C7orf33: variants seen among roughly 807,000 people sequenced by gnomAD.
The protein encoded by C7orf33 is uncharacterized protein C7orf33.
In C7orf33, 15 loss-of-function variants were observed where a neutral mutation model predicts 13.4. The ratio of observed to expected loss-of-function variants is 1.12; its 90% confidence interval spans 0.75 to 1.72. C7orf33 has a LOEUF of 1.72. Ranked by LOEUF, C7orf33 falls within the 40% of genes most tolerant of loss-of-function variation. C7orf33 has a pLI of 0.00. For missense variants in C7orf33, 187 were observed against 220.3 expected, an observed-to-expected ratio of 0.85 and a Z score of 0.96; for synonymous variants, 73 against 83.2, an observed-to-expected ratio of 0.88 and a Z score of 0.67.
chr7:148,602,379 T>C (rs1388094179), intron 1 of C7orf33, among the ~76,000 whole-genome samples: 1 of 152,068 alleles, frequency 6.6e-6, no homozygotes, highest in Non-Finnish European at 1.5e-5. Flanking sequence ...GGTGGATCAC[T>C]TGATGTCCGG....
intron 1 of C7orf33, among the ~76,000 whole-genome samples, chr7:148,595,620 A>G (rs1464397332): frequency 7.8e-6 from 1 of 128,124 alleles, no homozygotes; most frequent in East Asian, 2.1e-4. Flanking sequence ...TATATATTAT[A>G]TATAATATAC....
In C7orf33 at chr7:148,605,934, T is replaced by C. The variant is rs369518715; in HGVS notation, c.205-8108T>C. Among the ~76,000 whole-genome samples, 63 of 152,344 alleles carry C rather than the reference T, an allele frequency of 4.1e-4. 2 individuals carry two copies. The highest frequency in any genetic ancestry group is 1.5e-3 in the African/African-American group (62 of 41,578). ...CCCTGACTACACTGGTGAACTTAAA[T>C]AGAAAACTAACTTCTTGAAATGATC... On this transcript the variant is annotated intron_variant, in intron 1 of 2. Transcript: ENST00000307003.
chr7:148,594,480 T>C (rs1339583976), intron 1 of C7orf33, among the ~76,000 whole-genome samples: 1 of 152,096 alleles, frequency 6.6e-6, no homozygotes, highest in African/African-American at 2.4e-5. Flanking sequence ...CCGACCAACC[T>C]CTTTTCTTTA....
chr7:148,601,359 T>G (rs1186476671), intron 1 of C7orf33, among the ~76,000 whole-genome samples: 1 of 152,156 alleles, frequency 6.6e-6, no homozygotes, highest in Non-Finnish European at 1.5e-5. Flanking sequence ...TTTTTTTTAT[T>G]TTTTGAGACA....
At chr7:148,594,127 T>TTCCTGTAC (rs1370214554) in intron 1 of C7orf33, among the ~76,000 whole-genome samples, 1 of 152,024 alleles carries the variant, frequency 6.6e-6, no homozygotes, top group Non-Finnish European at 1.5e-5. Context: ...GACGCCATGT[T>TTCCTGTAC]TCCTGTACAG....
Position 148,590,932 on chromosome 7 carries a change from G to A in C7orf33, c.7G>A (p.Val3Met), listed in dbSNP as rs765216372. 1 of 1,614,158 alleles carries A rather than the reference G, an allele frequency of 6.2e-7. No homozygotes were observed. The highest frequency in any genetic ancestry group is 8.5e-7 in the Non-Finnish European group (1 of 1,180,012). ...GGTAATTACCTTTGCCAAAATGCAA[G>A]TGGAAGTTCAAAGCCTCAGCCTTGA... MQ[V>M]EVQSLSLEEC... Residue 3 changes from valine (V) to methionine (M), a missense_variant, in exon 1 of 3, where the codon GTG becomes ATG. Physicochemically the swap from Val to Met is conservative, Grantham distance 21. Coordinates refer to ENST00000307003, the MANE Select transcript of C7orf33 (RefSeq NM_145304.4).
chr7:148,615,700 G>GACCGC lies in C7orf33; in HGVS notation c.*302_*303insGCACC. Reference sequence around the variant, plus strand: ...TAAAGGGAGACGAAGATCCCCAGAGGACCTGGATAGAGATGTTTCCCTGAC... The same window carrying GACCGC: ...TAAAGGGAGACGAAGATCCCCAGAGGACCGCACCTGGATAGAGATGTTTCCCTGAC... On this transcript the variant is annotated 3_prime_UTR_variant, in exon 3 of 3. Coordinates refer to ENST00000307003, the MANE Select transcript of C7orf33 (RefSeq NM_145304.4). 1 of 307,004 alleles carries GACCGC rather than the reference G, an allele frequency of 3.3e-6. No individual in the cohort carries two copies. Among genetic ancestry groups the GACCGC allele is most frequent in the East Asian group, 6.8e-5 (1 of 14,756 alleles). 19.0% of individuals were successfully genotyped at this position (307,004 alleles called of 1,614,324 possible). A position where few individuals can be genotyped will look rare whatever the true frequency, so the allele number is the denominator to read the frequency against.
intron 1 of C7orf33, among the ~76,000 whole-genome samples, chr7:148,606,488 AT>A (rs1174602474): frequency 1.3e-5 from 2 of 152,224 alleles, no homozygotes; most frequent in African/African-American, 4.8e-5. Flanking sequence ...TTTGAGAAAC[AT>A]TGATATTACA....
chr7:148,606,098 CA>C (rs1796470286), intron 1 of C7orf33, among the ~76,000 whole-genome samples: 1 of 152,160 alleles, frequency 6.6e-6, no homozygotes, highest in Admixed American at 6.5e-5. Context: ...CCACCATCAC[CA>C]CCACAAATCC....
At chr7:148,602,489 C>T (rs1388433741) in intron 1 of C7orf33, among the ~76,000 whole-genome samples, 1 of 151,868 alleles carries the variant, frequency 6.6e-6, no homozygotes, top group Non-Finnish European at 1.5e-5. Flanking sequence ...CCCAGCTACT[C>T]GGGGAGGCTG....
At position 148,614,197 on chromosome 7, in the gene C7orf33, G is replaced by A; in HGVS notation, c.360G>A (p.Leu120=). ...VRIRPGTRMG[L]SSDPVVGTLS... is the part of the protein sequence containing the mutation. ...TCAGGCCAGGCACCAGGATGGGCTT[G>A]TCCTCAGATCCAGTTGTCGGCACCT... The change falls in exon 2 of 3, where the codon TTG becomes TTA. Residue 120 remains leucine, a synonymous_variant. Transcript: ENST00000307003. 6.2e-7 allele frequency: 1 copy of A among 1,614,214 alleles called. No homozygotes were observed. The highest frequency in any genetic ancestry group is 1.1e-5 in the South Asian group (1 of 91,082).
rs574415777 is a variant in C7orf33, at chr7:148,595,763, A to C, written c.204+4634A>C. ...TTATATAGATATAATATATATATATATCTATATCTCAAGCAGGCCACTGTG... is the reference window on the plus strand; with the variant it reads ...TTATATAGATATAATATATATATATCTCTATATCTCAAGCAGGCCACTGTG... On this transcript the variant is annotated intron_variant, in intron 1 of 2. Transcript: ENST00000307003. 9.9e-4 allele frequency among the ~76,000 whole-genome samples: 143 copies of C among 143,904 alleles called. 1 individual carries two copies. The highest frequency in any genetic ancestry group is 3.5e-3 in the African/African-American group (136 of 39,012). The allele number at this position is 143,904 out of a possible 152,430, so 94.4% of individuals were successfully genotyped here. A position where few individuals can be genotyped will look rare whatever the true frequency, so the allele number is the denominator to read the frequency against.
chr7:148,600,799 C>CTTTTTTTTTT (rs11373798), intron 1 of C7orf33, among the ~76,000 whole-genome samples: 1 of 103,720 alleles, frequency 9.6e-6, no homozygotes, highest in African/African-American at 4.3e-5. Context: ...TTATGGACTT[C>CTTTTTTTTTT]TTTTTTTTTT....
In C7orf33 at chr7:148,590,887, C is replaced by T. The variant is rs372006128; in HGVS notation, c.-39C>T. On this transcript the variant is annotated 5_prime_UTR_variant, in exon 1 of 3. Transcript: ENST00000307003. ...GATATTGGTGGTGAAGCGCCGCTCTCCTTGACAGCATCCAGGAAAGGTAAT... is the reference window on the plus strand; with the variant it reads ...GATATTGGTGGTGAAGCGCCGCTCTTCTTGACAGCATCCAGGAAAGGTAAT... 7.4e-5 allele frequency: 118 copies of T among 1,592,694 alleles called. 1 individual carries two copies. The African/African-American group carries it at 1.2e-3, about 16-fold the overall frequency.
intron 1 of C7orf33, among the ~76,000 whole-genome samples, chr7:148,612,118 A>G (rs968158760): frequency 6.6e-6 from 1 of 152,238 alleles, no homozygotes; most frequent in Non-Finnish European, 1.5e-5. Context: ...AATTCTCCCC[A>G]GTCAGACCTT....
intron 1 of C7orf33, among the ~76,000 whole-genome samples, chr7:148,594,647 G>C (rs1021820611): frequency 3.3e-5 from 5 of 152,150 alleles, no homozygotes; most frequent in Admixed American, 2.6e-4. Flanking sequence ...CAGAAGGAGG[G>C]TGACAGTTTG....
At position 148,614,098 on chromosome 7, in the gene C7orf33, A is replaced by G. The variant is rs751926009; in HGVS notation, c.261A>G (p.Ser87=). The change falls in exon 2 of 3, where the codon TCA becomes TCG. Residue 87 remains serine, a synonymous_variant. Coordinates refer to ENST00000307003, the MANE Select transcript of C7orf33 (RefSeq NM_145304.4). ...NRGMEFIAPV[S]APTKSGAPWH... is the part of the protein sequence containing the mutation. ...GGATGGAATTTATTGCTCCTGTATCAGCTCCCACCAAATCTGGTGCCCCGT... is the reference window on the plus strand; with the variant it reads ...GGATGGAATTTATTGCTCCTGTATCGGCTCCCACCAAATCTGGTGCCCCGT... 6 of 1,614,164 alleles carry G rather than the reference A, an allele frequency of 3.7e-6. No individual in the cohort carries two copies. The highest frequency in any genetic ancestry group is 4.5e-5 in the East Asian group (2 of 44,874).
intron 1 of C7orf33, among the ~76,000 whole-genome samples, chr7:148,592,312 T>A (rs994867379): frequency 1.3e-5 from 2 of 152,084 alleles, no homozygotes; most frequent in Non-Finnish European, 2.9e-5. Flanking sequence ...CCATTTAGCA[T>A]AAGAAGAGTA....
Position 148,614,169 on chromosome 7 carries a change from G to A in C7orf33, c.332G>A (p.Arg111Lys). 1.2e-6 allele frequency: 2 copies of A among 1,614,188 alleles called. No individual in the cohort carries two copies. The highest frequency in any genetic ancestry group is 1.7e-6 in the Non-Finnish European group (2 of 1,180,044). The stretch of plus-strand genomic sequence containing the variant: ...CCCACGGATGCCCAGAGAGCAGTCA[G>A]AATCAGGCCAGGCACCAGGATGGGC... ...QGPTDAQRAV[R>K]IRPGTRMGLS... Residue 111 changes from arginine to lysine, a missense_variant, in exon 2 of 3, where the codon AGA becomes AAA. Physicochemically the swap from Arg to Lys is conservative, Grantham distance 26. Transcript: ENST00000307003.
Sources: gnomAD v4.1 joint callset for allele counts (sites outside exome capture counted in the v4.1 genomes callset) on GRCh38, gnomAD v4.1.1 for gene constraint, MANE v1.5 for transcripts, NCBI Gene and HGNC (gene_info 2026-07-23, HGNC 2026-07-21) for gene names.